The following SMG9 variants were observed in gnomAD, a reference collection of about 807,000 sequenced individuals.
SMG9 encodes SMG9 nonsense mediated mRNA decay factor, also known as nonsense-mediated mRNA decay factor SMG9.
SMG9 carries 55 observed loss-of-function variants against 64.0 expected under a neutral mutation model. The observed-to-expected ratio is 0.86, with a 90% CI of 0.69 to 1.08. The LOEUF (loss-of-function observed/expected upper bound fraction) is 1.08. Ranked by LOEUF, SMG9 falls within the 50% of genes least tolerant of loss-of-function variation. SMG9 has a pLI of 0.00. For missense variants in SMG9, 554 were observed against 681.3 expected (o/e 0.81, Z 2.08); for synonymous variants, 244 against 254.8 (o/e 0.96, Z 0.41).
intron 10 of SMG9, chr19:43,734,080 G>T: frequency 1.9e-6 from 1 of 530,672 alleles, no homozygotes; most frequent in Non-Finnish European, 3.4e-6. Flanking sequence ...CCACCCAGAT[G>T]AACCCAACCT....
At chr19:43,739,479 G>A (rs1968779147) in intron 7 of SMG9, among the ~76,000 whole-genome samples, 2 of 152,180 alleles carry the variant, frequency 1.3e-5, no homozygotes, top group South Asian at 4.1e-4. Flanking sequence ...AGAGAGATCA[G>A]TGTGTGTGTG....
At chr19:43,743,741 G>A (rs1173636994) in intron 6 of SMG9, among the ~76,000 whole-genome samples, 1 of 152,174 alleles carries the variant, frequency 6.6e-6, no homozygotes, top group Non-Finnish European at 1.5e-5. Context: ...GGATGCAGTG[G>A]GCTATGATCG....
intron 5 of SMG9, among the ~76,000 whole-genome samples, chr19:43,746,860 T>TAACA (rs1969028166): frequency 6.6e-6 from 1 of 151,528 alleles, no homozygotes; most frequent in Non-Finnish European, 1.5e-5. Flanking sequence ...CTCACTCTGT[T>TAACA]GTTGAGGTTG....
At chr19:43,736,073 A>C (rs946431293) in intron 9 of SMG9, among the ~76,000 whole-genome samples, 3 of 152,188 alleles carry the variant, frequency 2.0e-5, no homozygotes, top group Non-Finnish European at 4.4e-5. Flanking sequence ...ATCTGGTCAG[A>C]ACAACCAACT....
At chr19:43,739,828 AACAG>A in intron 7 of SMG9, 1 of 432,958 alleles carries the variant, frequency 2.3e-6, no homozygotes. Flanking sequence ...GGTAAGAACT[AACAG>A]ACAGGATCAG....
At position 43,744,716 on chromosome 19, in the gene SMG9, C is replaced by T. The variant is rs1968946445; in HGVS notation, c.701+56G>A. 2.9e-6 allele frequency: 4 copies of T among 1,364,606 alleles called. No individual in the cohort carries two copies. In the South Asian group the frequency reaches 3.7e-5, roughly 13 times the overall value. The allele number at this position is 1,364,606 out of a possible 1,614,324, so 84.5% of individuals were successfully genotyped here. On this transcript the variant is annotated intron_variant, in intron 6 of 13. Coordinates refer to ENST00000270066, the MANE Select transcript of SMG9 (RefSeq NM_019108.4). ...CTTGAAACACCCAAGCCCACCTTGC[C>T]CCTGCTCCCAGTGGGTGCCCACCTC...
At chr19:43,742,788 TAGAA>T (rs1321132358) in intron 6 of SMG9, among the ~76,000 whole-genome samples, 1 of 151,718 alleles carries the variant, frequency 6.6e-6, no homozygotes, top group African/African-American at 2.4e-5. Context: ...ACAGATGAAT[TAGAA>T]AGAGAATTAG....
chr19:43,747,511 G>A lies in SMG9; in HGVS notation c.519C>T (p.Pro173=), dbSNP rs1286573980. The change falls in exon 5 of 14, where the codon CCC becomes CCT. Residue 173 remains proline (P), a synonymous_variant. Transcript: ENST00000270066. ...TGATGCTGTGCTTCATGCGCTCTGG[G>A]GGCAGTAGTTTGGCCTGACCCACGA... ...DPVVGQAKLL[P]PERMKHSIKL... is the part of the protein sequence containing the mutation. The A allele has an allele frequency of 1.2e-6, 2 of 1,614,044 alleles. No individual in the cohort carries two copies. The highest frequency in any genetic ancestry group is 1.7e-6 in the Non-Finnish European group (2 of 1,180,044).
intron 9 of SMG9, 24 bp downstream of exon 9, chr19:43,737,573 C>T: frequency 1.2e-6 from 2 of 1,604,380 alleles, no homozygotes; most frequent in Non-Finnish European, 1.7e-6. Context: ...CTCCTCCCCA[C>T]CCTCCAACCC....
chr19:43,732,590 C>A, intron 13 of SMG9: 1 of 475,936 alleles, frequency 2.1e-6, no homozygotes, highest in Non-Finnish European at 3.8e-6. Context: ...ACACTTTTCC[C>A]CGAGCCTAAA....
intron 7 of SMG9, among the ~76,000 whole-genome samples, chr19:43,739,201 A>T (rs570612786): frequency 6.6e-6 from 1 of 152,258 alleles, no homozygotes; most frequent in African/African-American, 2.4e-5. Context: ...AGGAAGAAGA[A>T]GGCGTTAGCC....
intron 8 of SMG9, 57 bp from the exon 9 acceptor site, chr19:43,737,739 G>A (rs1271155380): frequency 1.9e-6 from 3 of 1,560,794 alleles, no homozygotes; most frequent in African/African-American, 2.7e-5. Flanking sequence ...GACTAATCAG[G>A]AGTCCCTGAT....
chr19:43,742,181 T>C (rs763270504), intron 6 of SMG9, among the ~76,000 whole-genome samples: 1 of 152,008 alleles, frequency 6.6e-6, no homozygotes, highest in East Asian at 1.9e-4. Flanking sequence ...CCAGGCATGG[T>C]GGTACACAAA....
chr19:43,747,768 G>A lies in SMG9; in HGVS notation c.355C>T (p.Pro119Ser). The A allele has an allele frequency of 1.2e-6, 2 of 1,608,810 alleles. No homozygotes were observed. The highest frequency in any genetic ancestry group is 1.7e-6 in the Non-Finnish European group (2 of 1,177,924). The change falls in exon 4 of 14, where the codon CCT (proline) becomes TCT (serine). Residue 119 changes from proline (P) to serine (S), a missense_variant. Pro to Ser is a moderately conservative substitution (Grantham distance 74). Coordinates refer to ENST00000270066, the MANE Select transcript of SMG9 (RefSeq NM_019108.4). ...GGGGGTGGTGGGGCGGTGCCCTCAG[G>A]GGTAGAGGCACCTGTCACGGCCACA... The part of the protein sequence containing the change: ...GPVAVTGAST[P>S]EGTAPPPPAA...
chr19:43,752,914 A>C (rs1310842417), intron 1 of SMG9, among the ~76,000 whole-genome samples: 1 of 151,098 alleles, frequency 6.6e-6, no homozygotes, highest in Non-Finnish European at 1.5e-5. Context: ...AAAAAAAAAA[A>C]AAGCAGAACC....
intron 5 of SMG9, among the ~76,000 whole-genome samples, chr19:43,747,230 G>A (rs1456890742): frequency 3.3e-5 from 5 of 152,232 alleles, no homozygotes; most frequent in East Asian, 1.9e-4. Flanking sequence ...TTTACCAATC[G>A]GTACCAAAGG....
chr19:43,731,558 C>T lies in SMG9; in HGVS notation c.*38G>A, dbSNP rs758391728. ...GTGCTCCCTCGCAGTACACTGCGGACCCAGGAGGTCCCCTGCATGACATTC... is the reference window on the plus strand; with the variant it reads ...GTGCTCCCTCGCAGTACACTGCGGATCCAGGAGGTCCCCTGCATGACATTC... On this transcript the variant is annotated 3_prime_UTR_variant, in exon 14 of 14. Coordinates refer to ENST00000270066, the MANE Select transcript of SMG9 (RefSeq NM_019108.4). 6.2e-7 allele frequency: 1 copy of T among 1,613,648 alleles called. No homozygotes were observed. The highest frequency in any genetic ancestry group is 8.5e-7 in the Non-Finnish European group (1 of 1,179,768).
chr19:43,748,276 G>A (rs1969090756), intron 2 of SMG9, among the ~76,000 whole-genome samples: 1 of 152,218 alleles, frequency 6.6e-6, no homozygotes, highest in Admixed American at 6.5e-5. Context: ...CAGCCTGGCT[G>A]CAGAACCAAA....
chr19:43,743,295 T>C (rs760629590), intron 6 of SMG9, among the ~76,000 whole-genome samples: 1 of 152,156 alleles, frequency 6.6e-6, no homozygotes, highest in African/African-American at 2.4e-5. Flanking sequence ...CCTGGAACTA[T>C]TCCAAAATGG....
Sources: gnomAD v4.1 joint callset for allele counts (sites outside exome capture counted in the v4.1 genomes callset) on GRCh38, gnomAD v4.1.1 for gene constraint, MANE v1.5 for transcripts, NCBI Gene and HGNC (gene_info 2026-07-23, HGNC 2026-07-21) for gene names.